The following PCDH15 variants were observed in gnomAD, a reference collection of about 807,000 sequenced individuals.
The protein encoded by PCDH15 is protocadherin-15.
PCDH15 carries 129 observed loss-of-function variants against 178.5 expected under a neutral mutation model. That is an observed-to-expected ratio of 0.72 (90% CI 0.63 to 0.84). PCDH15 has a LOEUF of 0.84. Ranked by LOEUF, PCDH15 falls within the 40% of genes least tolerant of loss-of-function variation. PCDH15 has a pLI of 0.00. For missense variants in PCDH15, 2,230 were observed against 2,099.9 expected, an observed-to-expected ratio of 1.06 and a Z score of -1.21; for synonymous variants, 800 against 732.0, an observed-to-expected ratio of 1.09 and a Z score of -1.50.
chr10:54,696,862 G>T (rs546704274), intron 1 of PCDH15, among the ~76,000 whole-genome samples: 2 of 152,090 alleles, frequency 1.3e-5, no homozygotes, highest in Admixed American at 6.6e-5. Flanking sequence ...AGTCATTGCA[G>T]GGATGGATGT....
chr10:55,095,753 T>C lies in PCDH15; in HGVS notation c.-80+70823A>G, dbSNP rs1564794238. ...GTTTTACTTTAACAGTGATAACAGG[T>C]AAAAAATTGTGCTTTATTTATCATA... On this transcript the variant is annotated intron_variant, in intron 2 of 5. Transcript: ENST00000458638. Among the ~76,000 whole-genome samples the C allele has an allele frequency of 2.0e-5, 3 of 152,084 alleles. No homozygotes were observed. In the East Asian group the frequency reaches 5.8e-4, roughly 29 times the overall value.
intron 1 of PCDH15, among the ~76,000 whole-genome samples, chr10:54,721,351 T>C (rs932503570): frequency 6.6e-6 from 1 of 151,436 alleles, no homozygotes; most frequent in Admixed American, 6.6e-5. Flanking sequence ...CAGACCCAAA[T>C]CTAGCAGAAG....
chr10:54,168,156 G>A (rs1465511854), intron 13 of PCDH15, among the ~76,000 whole-genome samples: 1 of 152,032 alleles, frequency 6.6e-6, no homozygotes, highest in African/African-American at 2.4e-5. Flanking sequence ...AAACTCGACA[G>A]TAGTTCCAAA....
At chr10:55,464,921 CAAAA>C (rs1348640124) in intron 2 of PCDH15, among the ~76,000 whole-genome samples, 1 of 140,368 alleles carries the variant, frequency 7.1e-6, no homozygotes, top group Non-Finnish European at 1.6e-5. Flanking sequence ...AAAAAAGAAA[CAAAA>C]CAAACAAACA....
intron 2 of PCDH15, among the ~76,000 whole-genome samples, chr10:54,618,703 G>A (rs2093261213): frequency 6.6e-6 from 1 of 151,974 alleles, no homozygotes; most frequent in Non-Finnish European, 1.5e-5. Context: ...CACCAGTGGA[G>A]CAATAATGAG....
intron 3 of PCDH15, among the ~76,000 whole-genome samples, chr10:54,425,274 G>C (rs1956132364): frequency 6.6e-6 from 1 of 152,070 alleles, no homozygotes; most frequent in South Asian, 2.1e-4. Flanking sequence ...ATTCGTGAGT[G>C]GATTAATGGG....
At chr10:55,080,956 GA>G (rs1354496986) in intron 2 of PCDH15, among the ~76,000 whole-genome samples, 1 of 152,132 alleles carries the variant, frequency 6.6e-6, no homozygotes, top group Non-Finnish European at 1.5e-5. Flanking sequence ...CCCATTGTTA[GA>G]TAAACCCAAA....
At chr10:54,555,568 A>G (rs1279421942) in intron 2 of PCDH15, among the ~76,000 whole-genome samples, 2 of 100,916 alleles carry the variant, frequency 2.0e-5, no homozygotes, top group Non-Finnish European at 4.6e-5. Context: ...CCTCTCTACT[A>G]AAAATACAAA....
chr10:55,154,657 G>T (rs1447494741), intron 2 of PCDH15, among the ~76,000 whole-genome samples: 1 of 152,056 alleles, frequency 6.6e-6, no homozygotes, highest in African/African-American at 2.4e-5. Flanking sequence ...CTCATATAGT[G>T]CTATAGACCA....
intron 25 of PCDH15, among the ~76,000 whole-genome samples, chr10:53,934,677 G>A (rs1378554758): frequency 6.6e-6 from 1 of 151,842 alleles, no homozygotes; most frequent in Non-Finnish European, 1.5e-5. Context: ...ATCAAACTGT[G>A]CAAATGCTAT....
At chr10:53,846,210 G>T (rs1179732180) in intron 28 of PCDH15, among the ~76,000 whole-genome samples, 4 of 151,592 alleles carry the variant, frequency 2.6e-5, no homozygotes. Flanking sequence ...GGCTGTGATT[G>T]GTCTTCTAAA....
At chr10:54,725,911 G>T (rs1393719027) in intron 1 of PCDH15, among the ~76,000 whole-genome samples, 5 of 151,508 alleles carry the variant, frequency 3.3e-5, no homozygotes, top group African/African-American at 1.2e-4. Context: ...CTGCTGATAT[G>T]CACTAACTTG....
intron 18 of PCDH15, among the ~76,000 whole-genome samples, chr10:54,064,921 A>G (rs1176996455): frequency 2.6e-5 from 4 of 152,130 alleles, no homozygotes; most frequent in Admixed American, 2.6e-4. Flanking sequence ...CACCCTGCCA[A>G]CTTGGAAGGG....
At position 53,803,533 on chromosome 10, in the gene PCDH15, T is replaced by C. The variant is rs1451990907; in HGVS notation, c.*3046A>G. On this transcript the variant is annotated 3_prime_UTR_variant, in exon 38 of 38. Coordinates refer to ENST00000644397, the MANE Select transcript of PCDH15 (RefSeq NM_001384140.1). ...AAAATAACATGAATGACATATCACA[T>C]ATAAAATTCAAGGCAAACTTTCTTC... The C allele has an allele frequency of 1.3e-5, 2 of 151,988 alleles. No individual in the cohort carries two copies. Among genetic ancestry groups the C allele is most frequent in the Non-Finnish European group, 1.5e-5 (1 of 67,910 alleles). The allele number at this position is 151,988 out of a possible 1,614,324, so 9.4% of individuals were successfully genotyped here.
At chr10:55,589,081 CAAAA>C (rs35940637) in intron 2 of PCDH15, among the ~76,000 whole-genome samples, 7 of 81,164 alleles carry the variant, frequency 8.6e-5, no homozygotes, top group Admixed American at 1.5e-4. Flanking sequence ...AATTCCGTGT[CAAAA>C]AAAAAAAAAA....
At chr10:54,535,709 C>CAAA (rs71010382) in intron 2 of PCDH15, among the ~76,000 whole-genome samples, 777 of 41,114 alleles carry the variant, frequency 0.019, 3 homozygotes, top group East Asian at 0.027. Flanking sequence ...GACTCCACCT[C>CAAA]AAAAAAAAAA....
intron 2 of PCDH15, among the ~76,000 whole-genome samples, chr10:54,567,620 C>T (rs1003521896): frequency 1.2e-4 from 19 of 152,010 alleles, no homozygotes; most frequent in African/African-American, 2.4e-4. Flanking sequence ...CCTTTTGAAT[C>T]GAATTGAATA....
chr10:54,254,802 G>C (rs895772380), intron 8 of PCDH15, among the ~76,000 whole-genome samples: 1 of 152,170 alleles, frequency 6.6e-6, no homozygotes, highest in African/African-American at 2.4e-5. Context: ...TGCCTGTAAG[G>C]CACTGATAGA....
At chr10:55,161,955 G>A (rs1288809281) in intron 2 of PCDH15, among the ~76,000 whole-genome samples, 1 of 152,076 alleles carries the variant, frequency 6.6e-6, no homozygotes, top group Non-Finnish European at 1.5e-5. Context: ...AAACTGTTGT[G>A]GCCCATGATA....
Sources: allele counts gnomAD v4.1 joint callset (sites outside exome capture counted in the v4.1 genomes callset), GRCh38; gene constraint gnomAD v4.1.1; transcripts MANE v1.5; gene names NCBI Gene and HGNC (gene_info 2026-07-23, HGNC 2026-07-21).